PXDNL: variants seen among roughly 807,000 people sequenced by gnomAD.
PXDNL encodes peroxidasin like, also known as probable oxidoreductase PXDNL.
Under a neutral mutation model 150.8 loss-of-function variants are expected in PXDNL, and 145 were observed. That is an observed-to-expected ratio of 0.96 (90% confidence interval 0.84 to 1.10). The LOEUF is 1.10. Among genes scored for constraint, PXDNL ranks in the 50% least tolerant of loss-of-function variants. PXDNL has a pLI of 0.00. For missense variants in PXDNL, 2,087 were observed against 1,873.9 expected (o/e 1.11, Z -2.10); for synonymous variants, 757 against 725.7 (o/e 1.04, Z -0.69).
intron 8 of PXDNL, 61 bp downstream of exon 8, chr8:51,472,126 G>T: frequency 8.9e-7 from 1 of 1,129,594 alleles, no homozygotes; most frequent in Non-Finnish European, 1.3e-6. Context: ...GTTAAATTGA[G>T]TTAAAAAGAT....
Position 51,483,707 on chromosome 8 carries a change from G to T in PXDNL, c.460C>A (p.His154Asn). ...DLLRLERLFLHNNKLSKIPAG... is the reference protein window; with the variant it reads ...DLLRLERLFLNNNKLSKIPAG... ...GGAATTTTAGATAATTTGTTGTTAT[G>T]CAAAAATCTGAAAAAGAAAAGATAA... is the stretch of plus-strand genomic sequence containing the variant. Residue 154 changes from histidine to asparagine, a missense_variant, in exon 6 of 23, where the codon CAT becomes AAT. His to Asn is a moderately conservative substitution (Grantham distance 68, BLOSUM62 1). Transcript: ENST00000356297. 1 of 1,477,520 alleles carries T rather than the reference G, an allele frequency of 6.8e-7. No individual in the cohort carries two copies. Among genetic ancestry groups the T allele is most frequent in the Non-Finnish European group, 9.2e-7 (1 of 1,083,886 alleles). The allele number at this position is 1,477,520 out of a possible 1,614,324, so 91.5% of individuals were successfully genotyped here.
intron 21 of PXDNL, among the ~76,000 whole-genome samples, chr8:51,330,393 A>T (rs1805646082): frequency 6.6e-6 from 1 of 151,290 alleles, no homozygotes; most frequent in African/African-American, 2.5e-5. Flanking sequence ...GCAATATTAA[A>T]AAAAAAATGT....
chr8:51,605,951 G>T (rs1337407140), intron 2 of PXDNL, among the ~76,000 whole-genome samples: 2 of 152,176 alleles, frequency 1.3e-5, no homozygotes, highest in East Asian at 3.9e-4. Context: ...CAGCAAGAAA[G>T]CCCTCACGAG....
chr8:51,665,551 C>T (rs9298459), intron 1 of PXDNL, among the ~76,000 whole-genome samples: 17,896 of 152,156 alleles, frequency 0.12, 1,808 homozygotes, highest in African/African-American at 0.26. Flanking sequence ...AAATGTCTAA[C>T]TATCTTCCTT....
chr8:51,436,647 G>T (rs1809414452), intron 12 of PXDNL: 1 of 188,976 alleles, frequency 5.3e-6, no homozygotes, highest in Non-Finnish European at 1.1e-5. Flanking sequence ...GGAAATTTCA[G>T]ATTGTTTGAG....
intron 1 of PXDNL, among the ~76,000 whole-genome samples, chr8:51,679,447 T>C (rs1461630531): frequency 6.6e-6 from 1 of 152,188 alleles, no homozygotes; most frequent in Admixed American, 6.5e-5. Context: ...TTGAACAAAT[T>C]ACTTAACATA....
chr8:51,640,445 C>T (rs1814723197), intron 2 of PXDNL, among the ~76,000 whole-genome samples: 1 of 152,066 alleles, frequency 6.6e-6, no homozygotes, highest in South Asian at 2.1e-4. Context: ...GATTGTATAC[C>T]TAGAAAACCC....
intron 1 of PXDNL, among the ~76,000 whole-genome samples, chr8:51,797,378 C>T (rs925137821): frequency 6.6e-6 from 1 of 152,280 alleles, no homozygotes; most frequent in South Asian, 2.1e-4. Flanking sequence ...AAGAGGAAGT[C>T]AAAATGTCTC....
chr8:51,370,404 G>A (rs1349962965), intron 19 of PXDNL, among the ~76,000 whole-genome samples: 1 of 152,168 alleles, frequency 6.6e-6, no homozygotes, highest in African/African-American at 2.4e-5. Flanking sequence ...AAGAAGCAAA[G>A]GAGTGTTACA....
In PXDNL at chr8:51,497,875, A is replaced by T. The variant is rs542143428; in HGVS notation, c.452+1824T>A. Among the ~76,000 whole-genome samples the T allele has an allele frequency of 2.1e-3, 314 of 152,344 alleles. 1 individual carries two copies. Among genetic ancestry groups the T allele is most frequent in the African/African-American group, 7.0e-3 (290 of 41,572 alleles). On this transcript the variant is annotated intron_variant, in intron 5 of 22. Transcript: ENST00000356297. ...AACCATTGTGGAAGTCAGTGTGGTG[A>T]TTCCTCAGGGATCTAGAACTAGAAA...
At chr8:51,559,658 CT>C (rs1379745570) in intron 3 of PXDNL, among the ~76,000 whole-genome samples, 1 of 151,946 alleles carries the variant, frequency 6.6e-6, no homozygotes, top group Non-Finnish European at 1.5e-5. Context: ...TGAAGGGACT[CT>C]GGCAGAAGGG....
At chr8:51,594,430 G>A (rs550594135) in intron 2 of PXDNL, among the ~76,000 whole-genome samples, 77 of 152,202 alleles carry the variant, frequency 5.1e-4, no homozygotes, top group African/African-American at 1.7e-3. Flanking sequence ...AATTAGAAAC[G>A]GAAAAGATAT....
At chr8:51,441,748 T>C (rs936030373) in intron 12 of PXDNL, among the ~76,000 whole-genome samples, 6 of 152,164 alleles carry the variant, frequency 3.9e-5, no homozygotes, top group African/African-American at 1.4e-4. Flanking sequence ...ATCTTTCAAG[T>C]AATAAATGCC....
chr8:51,748,624 T>A (rs1313908667), intron 1 of PXDNL, among the ~76,000 whole-genome samples: 1 of 152,194 alleles, frequency 6.6e-6, no homozygotes, highest in Non-Finnish European at 1.5e-5. Context: ...AAGCAGGAGT[T>A]ATTTTAAAAA....
chr8:51,686,867 A>G (rs1196158928), intron 1 of PXDNL, among the ~76,000 whole-genome samples: 2 of 152,176 alleles, frequency 1.3e-5, no homozygotes, highest in Admixed American at 6.5e-5. Context: ...AATCTAAGAA[A>G]TGACTATTAT....
chr8:51,445,630 C>A (rs1809656047), intron 12 of PXDNL, among the ~76,000 whole-genome samples: 1 of 152,144 alleles, frequency 6.6e-6, no homozygotes, highest in African/African-American at 2.4e-5. Flanking sequence ...TCAACAGGAG[C>A]AAGTCAAGTG....
chr8:51,513,766 A>G (rs1811475840), intron 4 of PXDNL, among the ~76,000 whole-genome samples: 1 of 152,222 alleles, frequency 6.6e-6, no homozygotes, highest in African/African-American at 2.4e-5. Flanking sequence ...AAAAAGTTAT[A>G]TTTAAGTTTG....
intron 21 of PXDNL, among the ~76,000 whole-genome samples, chr8:51,324,159 T>C (rs954093862): frequency 2.6e-5 from 4 of 152,220 alleles, no homozygotes; most frequent in African/African-American, 9.6e-5. Flanking sequence ...CTTGCTCAAC[T>C]CATGTATTCA....
At chr8:51,357,285 G>A (rs1304202671) in intron 19 of PXDNL, among the ~76,000 whole-genome samples, 4 of 152,116 alleles carry the variant, frequency 2.6e-5, no homozygotes, top group Non-Finnish European at 4.4e-5. Flanking sequence ...CCATCTACCT[G>A]AGGCAAGAGT....
Sources: allele counts gnomAD v4.1 joint callset (sites outside exome capture counted in the v4.1 genomes callset), GRCh38; gene constraint gnomAD v4.1.1; transcripts MANE v1.5; gene names NCBI Gene and HGNC (gene_info 2026-07-23, HGNC 2026-07-21).